Variants in FBXW5 observed in about 807,000 individuals in gnomAD.
The protein encoded by FBXW5 is F-box/WD repeat-containing protein 5.
A neutral mutation model predicts 50.9 loss-of-function variants in FBXW5; 74 were observed. The ratio of observed to expected loss-of-function variants is 1.45; its 90% CI spans 1.20 to 1.76. The LOEUF (loss-of-function observed/expected upper bound fraction) is 1.76, where lower values mean the gene tolerates loss of function less well. Ranked by LOEUF, FBXW5 falls within the 40% of genes most tolerant of loss-of-function variation. The pLI is 0.00. For synonymous variants in FBXW5, 523 were observed against 362.2 expected (o/e 1.44, Z -5.04); for missense variants, 1,073 against 818.8 (o/e 1.31, Z -3.79).
Position 136,942,590 on chromosome 9 carries a change from T to C in FBXW5, c.632A>G (p.Asp211Gly), listed in dbSNP as rs148415286. Residue 211 changes from aspartate to glycine, a missense_variant, in exon 5 of 9, where the codon GAT becomes GGT. Coordinates refer to ENST00000325285, the MANE Select transcript of FBXW5 (RefSeq NM_018998.4). The part of the protein sequence containing the change: ...LISGNLHRIG[D>G]ITSCSVLWLN... ...CCACAGCACCGAGCAGGAGGTGATA[T>C]CTCCGATGCGGTGCAGGTTCCCCGA... is the stretch of plus-strand genomic sequence containing the variant. The C allele has an allele frequency of 3.2e-5, 52 of 1,611,108 alleles. No individual in the cohort carries two copies. Among genetic ancestry groups the C allele is most frequent in the Non-Finnish European group, 4.2e-5 (50 of 1,179,462 alleles).
chr9:136,942,905 G>A lies in FBXW5; in HGVS notation c.390C>T (p.Ser130=), dbSNP rs147211191. 3.7e-5 allele frequency: 59 copies of A among 1,613,374 alleles called. No individual in the cohort carries two copies. Among genetic ancestry groups the A allele is most frequent in the East Asian group, 3.1e-4 (14 of 44,874 alleles). The change falls in exon 4 of 9, where the codon AGC becomes AGT. Residue 130 remains serine, a synonymous_variant. Coordinates refer to ENST00000325285, the MANE Select transcript of FBXW5 (RefSeq NM_018998.4). ...SNDLTISLLH[S]ADMRPYNWSY... ...TCCAGTTGTAGGGCCGCATGTCCGC[G>A]CTGTGCAGCAGCGAGATGGTCAGGT...
chr9:136,943,801 G>T, intron 2 of FBXW5, 90 bp downstream of exon 2: 1 of 1,375,844 alleles, frequency 7.3e-7, no homozygotes, highest in Non-Finnish European at 9.9e-7. Flanking sequence ...GCGGGGCCGC[G>T]GGGCGGGCCC....
chr9:136,944,330 G>C (rs907902142), intron 1 of FBXW5: 34 of 600,258 alleles, frequency 5.7e-5, no homozygotes, highest in Non-Finnish European at 7.7e-5. Flanking sequence ...GGCCGGCAGC[G>C]GGCGCCCCTC....
intron 3 of FBXW5, 24 bp downstream of exon 3, chr9:136,943,325 T>C (rs1282570732): frequency 7.0e-7 from 1 of 1,435,912 alleles, no homozygotes; most frequent in Non-Finnish European, 9.3e-7. Context: ...GGGTGGGGTG[T>C]GCAGGACACC....
At chr9:136,943,594 GC>G in intron 2 of FBXW5, 88 bp from the exon 3 acceptor site, 1 of 1,479,242 alleles carries the variant, frequency 6.8e-7, no homozygotes. Flanking sequence ...GTCCTGGCAG[GC>G]CCCGTGGTGC....
rs1850878649 is a variant in FBXW5 at position 136,943,353 on chromosome 9, ACAGTGCAGTCCTTGGAGC to A, written c.329_346del (p.Cys110_Val116delinsLeu). The A allele has an allele frequency of 6.2e-7, 1 of 1,609,430 alleles. No individual in the cohort carries two copies. Among genetic ancestry groups the A allele is most frequent in the Non-Finnish European group, 8.5e-7 (1 of 1,178,518 alleles). ...AGGACACCTGGCCGTCCTCACCTTC[ACAGTGCAGTCCTTGGAGC>A]AGGACGCGAACTGGTACCCGGAATG... On this transcript the variant is annotated inframe_deletion, in exon 3 of 9. Coordinates refer to ENST00000325285, the MANE Select transcript of FBXW5 (RefSeq NM_018998.4).
At position 136,941,657 on chromosome 9, in the gene FBXW5, A is replaced by T. The variant is rs1564433462; in HGVS notation, c.1124T>A (p.Met375Lys). 6.4e-7 allele frequency: 1 copy of T among 1,566,874 alleles called. No individual in the cohort carries two copies. Among genetic ancestry groups the T allele is most frequent in the Non-Finnish European group, 8.6e-7 (1 of 1,156,450 alleles). ...IGIKQILPHQ[M>K]TTAGPVLGEG... ...ACCCAGCACGGGCCCTGCCGTGGTC[A>T]TCTGGTGTGGCAGGATCTGCTTGAT... The change falls in exon 7 of 9, where the codon ATG becomes AAG. Residue 375 changes from methionine (M) to lysine (K), a missense_variant. Coordinates refer to ENST00000325285, the MANE Select transcript of FBXW5 (RefSeq NM_018998.4).
In FBXW5 at chr9:136,940,772, GAGC is replaced by G; in HGVS notation, c.*153_*155del. 1 of 1,207,590 alleles carries G rather than the reference GAGC, an allele frequency of 8.3e-7. No individual in the cohort carries two copies. The highest frequency in any genetic ancestry group is 1.1e-6 in the Non-Finnish European group (1 of 886,672). 74.8% of individuals were successfully genotyped at this position (1,207,590 alleles called of 1,614,324 possible). On this transcript the variant is annotated 3_prime_UTR_variant, in exon 9 of 9. Transcript: ENST00000325285. ...CCCGTGCCAAGCATCACAGCTGCGT[GAGC>G]AGGTTTGTGTGTGAGCGTGTGGCGG...
Position 136,942,455 on chromosome 9 carries a change from T to C in FBXW5, c.687A>G (p.Ser229=), listed in dbSNP as rs1237766814. 1.3e-6 allele frequency: 2 copies of C among 1,599,650 alleles called. No homozygotes were observed. Among genetic ancestry groups the C allele is most frequent in the Non-Finnish European group, 1.7e-6 (2 of 1,169,948 alleles). ...WLNNAFQDVE[S]ENVNVVKRLF... ...GCCGCTTCACCACGTTGACGTTCTC[T>C]GACTCCACATCCTGGGGGCGGGGGC... The change falls in exon 6 of 9, where the codon TCA becomes TCG. Residue 229 remains serine, a synonymous_variant. Transcript: ENST00000325285.
chr9:136,943,064 A>G, intron 3 of FBXW5, 121 bp from the exon 4 acceptor site: 7 of 1,465,302 alleles, frequency 4.8e-6, no homozygotes, highest in Non-Finnish European at 6.5e-6. Flanking sequence ...GGGAGCAGGG[A>G]CCCCTTCCAG....
At position 136,942,376 on chromosome 9, in the gene FBXW5, C is replaced by T. The variant is rs757208354; in HGVS notation, c.766G>A (p.Asp256Asn). The T allele has an allele frequency of 4.2e-5, 67 of 1,611,100 alleles. No individual in the cohort carries two copies. The highest frequency in any genetic ancestry group is 1.5e-4 in the South Asian group (14 of 90,974). The change falls in exon 6 of 9, where the codon GAC (aspartate) becomes AAC (asparagine). Residue 256 changes from aspartate (D) to asparagine (N), a missense_variant. By Grantham distance (23) the Asp-to-Asn change is conservative. Transcript: ENST00000325285. ...TCAGGGCTGTCGAAGCGGCTGCAGTCGGCCACCATCACCGTGCGGACGGTG... is the reference window on the plus strand; with the variant it reads ...TCAGGGCTGTCGAAGCGGCTGCAGTTGGCCACCATCACCGTGCGGACGGTG... ...ASTVRTVMVA[D>N]CSRFDSPDLL...
chr9:136,941,457 C>T lies in FBXW5; in HGVS notation c.1251G>A (p.Leu417=), dbSNP rs201834079. Residue 417 remains leucine, a synonymous_variant, in exon 8 of 9, where the codon CTG becomes CTA. Transcript: ENST00000325285. The part of the protein sequence containing the change: ...GMGLSPDNRY[L]YVNSRAWPNG... Reference sequence around the variant, plus strand: ...TGGGCCAGGCGCGGCTGTTCACGTACAGGTACCTGGGCGAGGGGCACTGTG... The same window carrying T: ...TGGGCCAGGCGCGGCTGTTCACGTATAGGTACCTGGGCGAGGGGCACTGTG... 56 of 1,607,134 alleles carry T rather than the reference C, an allele frequency of 3.5e-5. No homozygotes were observed. The South Asian group carries it at 4.7e-4, about 14-fold the overall frequency.
rs1451324210 is a variant in FBXW5 at position 136,941,311 on chromosome 9, T to C, written c.1397A>G (p.Tyr466Cys). The C allele has an allele frequency of 1.2e-6, 2 of 1,610,024 alleles. No homozygotes were observed. Among genetic ancestry groups the C allele is most frequent in the South Asian group, 2.2e-5 (2 of 91,082 alleles). ...VRRALRAHRA[Y>C]TPNDECFFIF... ...GAAGAAGCACTCGTCGTTGGGCGTGTAGGCGCGGTGCGCACGCAGAGCCCG... is the reference window on the plus strand; with the variant it reads ...GAAGAAGCACTCGTCGTTGGGCGTGCAGGCGCGGTGCGCACGCAGAGCCCG... Residue 466 changes from tyrosine (Y) to cysteine (C), a missense_variant, in exon 8 of 9, where the codon TAC (tyrosine) becomes TGC (cysteine). Coordinates refer to ENST00000325285, the MANE Select transcript of FBXW5 (RefSeq NM_018998.4).
chr9:136,943,514 T>G lies in FBXW5; in HGVS notation c.194-8A>C, dbSNP rs770295691. The G allele has an allele frequency of 2.5e-6, 4 of 1,605,414 alleles. No individual in the cohort carries two copies. Among genetic ancestry groups the G allele is most frequent in the Admixed American group, 1.7e-5 (1 of 59,788 alleles). ...CGTACCAGGACATGGCCGCTGCGGGTGGGCAGTTGTCAGTCCTGGGCCCGG... is the reference window on the plus strand; with the variant it reads ...CGTACCAGGACATGGCCGCTGCGGGGGGGCAGTTGTCAGTCCTGGGCCCGG... On this transcript the variant is annotated splice_region_variant and splice_polypyrimidine_tract_variant and intron_variant, in intron 2 of 8. Transcript: ENST00000325285.
At chr9:136,941,893 C>T in intron 6 of FBXW5, 153 bp downstream of exon 6, 2 of 1,436,684 alleles carry the variant, frequency 1.4e-6, no homozygotes, top group African/African-American at 1.4e-5. Flanking sequence ...CTGCTCATCC[C>T]ACAGGCCCCA....
chr9:136,941,564 A>G lies in FBXW5; in HGVS notation c.1217T>C (p.Ile406Thr). Residue 406 changes from isoleucine (I) to threonine (T), a missense_variant, in exon 7 of 9, where the codon ATC (isoleucine) becomes ACC (threonine). Coordinates refer to ENST00000325285, the MANE Select transcript of FBXW5 (RefSeq NM_018998.4). ...DHVIDIHGHI[I>T]GMGLSPDNRY... ...GTTGTCGGGCGACAGGCCCATGCCGATGATGTGTCCGTGTATGTCTATGAC... is the reference window on the plus strand; with the variant it reads ...GTTGTCGGGCGACAGGCCCATGCCGGTGATGTGTCCGTGTATGTCTATGAC... 6.2e-7 allele frequency: 1 copy of G among 1,609,860 alleles called. No individual in the cohort carries two copies. Among genetic ancestry groups the G allele is most frequent in the Non-Finnish European group, 8.5e-7 (1 of 1,179,364 alleles).
At position 136,941,042 on chromosome 9, in the gene FBXW5, G is replaced by A. The variant is rs1850733786; in HGVS notation, c.1587C>T (p.Ala529=). 1.3e-6 allele frequency: 2 copies of A among 1,554,768 alleles called. No individual in the cohort carries two copies. Among genetic ancestry groups the A allele is most frequent in the Middle Eastern group, 1.7e-4 (1 of 6,014 alleles). Reference sequence around the variant, plus strand: ...AGGCTTTGATGGTGGCGTCGTCGCTGGCCGTGAGCAGCAGCTCCTGCTCCT... The same window carrying A: ...AGGCTTTGATGGTGGCGTCGTCGCTAGCCGTGAGCAGCAGCTCCTGCTCCT... The part of the protein sequence containing the change: ...SPQEQELLLT[A]SDDATIKAWR... Residue 529 remains alanine (A), a synonymous_variant, in exon 9 of 9, where the codon GCC becomes GCT. Coordinates refer to ENST00000325285, the MANE Select transcript of FBXW5 (RefSeq NM_018998.4).
At chr9:136,944,172 TTCC>T (rs1167144941) in intron 1 of FBXW5, 66 bp from the exon 2 acceptor site, 3 of 1,449,330 alleles carry the variant, frequency 2.1e-6, no homozygotes, top group Non-Finnish European at 2.8e-6. Flanking sequence ...GGGCGTCCTG[TTCC>T]TCCAGCCCCA....
Position 136,941,114 on chromosome 9 carries a change from G to A in FBXW5, c.1515C>T (p.Ala505=), listed in dbSNP as rs1445618531. ...TGACCACATCCTCGTGCCGCAGCCT[G>A]GCCAGACAGATGTTGTAGTGGCGGT... The part of the protein sequence containing the change: ...IWDRHYNICL[A]RLRHEDVVNS... The change falls in exon 9 of 9, where the codon GCC becomes GCT. Residue 505 remains alanine (A), a synonymous_variant. Coordinates refer to ENST00000325285, the MANE Select transcript of FBXW5 (RefSeq NM_018998.4). 2.5e-6 allele frequency: 4 copies of A among 1,595,690 alleles called. No homozygotes were observed. The highest frequency in any genetic ancestry group is 3.4e-6 in the Non-Finnish European group (4 of 1,171,486).
Sources: gnomAD v4.1 joint callset for allele counts on GRCh38, gnomAD v4.1.1 for gene constraint, MANE v1.5 for transcripts, NCBI Gene and HGNC (gene_info 2026-07-23, HGNC 2026-07-21) for gene names.